The following ANKRD27 variants were observed in gnomAD, a reference collection of about 807,000 sequenced individuals.
ANKRD27 encodes ankyrin repeat domain 27, also known as ankyrin repeat domain-containing protein 27.
In ANKRD27, 112 loss-of-function variants were observed where a neutral mutation model predicts 129.7. The ratio of observed to expected loss-of-function variants is 0.86; its 90% CI spans 0.74 to 1.01. The LOEUF (loss-of-function observed/expected upper bound fraction) is 1.01, where lower values mean the gene tolerates loss of function less well. ANKRD27 is among the 50% of genes least tolerant of loss of function. The pLI is 0.00. For synonymous variants in ANKRD27, 516 were observed against 511.2 expected (o/e 1.01, Z -0.13); for missense variants, 1,258 against 1,300.5 (o/e 0.97, Z 0.50).
At chr19:32,628,698 G>C (rs1966935287) in intron 14 of ANKRD27, 24 bp downstream of exon 14, 1 of 1,613,084 alleles carries the variant, frequency 6.2e-7, no homozygotes, top group African/African-American at 1.3e-5. Context: ...CTGGCACTCT[G>C]AGCCTCCACC....
chr19:32,607,818 A>C lies in ANKRD27; in HGVS notation c.2190T>G (p.Val730=). ...CAPAQKRLAK[V]PASGLGVNVT... is the part of the protein sequence containing the mutation. ...CGTTCACACCAAGCCCACTGGCAGG[A>C]ACCTTCGCCAGCCTCTGGGAAGCGC... Residue 730 remains valine (V), a synonymous_variant, in exon 23 of 29, where the codon GTT becomes GTG. Transcript: ENST00000306065. 6.2e-7 allele frequency: 1 copy of C among 1,600,034 alleles called. No individual in the cohort carries two copies. Among genetic ancestry groups the C allele is most frequent in the Middle Eastern group, 1.7e-4 (1 of 6,046 alleles).
chr19:32,667,181 T>C (rs1301509141), intron 1 of ANKRD27, among the ~76,000 whole-genome samples: 2 of 152,232 alleles, frequency 1.3e-5, no homozygotes, highest in Non-Finnish European at 2.9e-5. Context: ...GGCGCAGCTC[T>C]GTGCAAGGGC....
chr19:32,654,327 C>T (rs1475493477), intron 2 of ANKRD27, among the ~76,000 whole-genome samples: 1 of 152,186 alleles, frequency 6.6e-6, no homozygotes, highest in Non-Finnish European at 1.5e-5. Context: ...AGTGAGACCC[C>T]ATCTCTACCA....
At chr19:32,635,701 GAGAT>G (rs1490759644) in intron 12 of ANKRD27, among the ~76,000 whole-genome samples, 1 of 152,018 alleles carries the variant, frequency 6.6e-6, no homozygotes, top group Non-Finnish European at 1.5e-5. Context: ...AGCCACATCC[GAGAT>G]GCGATGGATG....
At position 32,608,781 on chromosome 19, in the gene ANKRD27, G is replaced by A. The variant is rs369137309; in HGVS notation, c.2176-949C>T. On this transcript the variant is annotated intron_variant, in intron 22 of 28. Transcript: ENST00000306065. ...ATCCTGGCCAACATGGTGAAACCCCGTCTCTACCAAAAATACAAAAATTAC... is the reference window on the plus strand; with the variant it reads ...ATCCTGGCCAACATGGTGAAACCCCATCTCTACCAAAAATACAAAAATTAC... 4.3e-4 allele frequency among the ~76,000 whole-genome samples: 66 copies of A among 152,170 alleles called. 2 individuals carry two copies. Among genetic ancestry groups the A allele is most frequent in the South Asian group, 1.2e-3 (6 of 4,820 alleles).
chr19:32,639,179 T>C, intron 12 of ANKRD27, 177 bp downstream of exon 12: 1 of 672,610 alleles, frequency 1.5e-6, no homozygotes, highest in East Asian at 2.8e-5. Flanking sequence ...TACCACCAAT[T>C]GAGGGCTTGG....
intron 1 of ANKRD27, among the ~76,000 whole-genome samples, chr19:32,662,860 T>C (rs1967672685): frequency 6.6e-6 from 1 of 151,936 alleles, no homozygotes; most frequent in Non-Finnish European, 1.5e-5. Context: ...CTGGACAACA[T>C]GGTGAAACCC....
At chr19:32,673,573 C>T in intron 1 of ANKRD27, 1 of 456,418 alleles carries the variant, frequency 2.2e-6, no homozygotes, top group Non-Finnish European at 2.9e-6. Context: ...CAAAGCTTCC[C>T]CCGAAGGGAA....
At chr19:32,645,580 A>G (rs1395869667) in intron 4 of ANKRD27, among the ~76,000 whole-genome samples, 1 of 151,966 alleles carries the variant, frequency 6.6e-6, no homozygotes, top group East Asian at 1.9e-4. Flanking sequence ...CTGAGACTAC[A>G]GGCATGCACC....
chr19:32,601,973 T>C (rs754720514), intron 26 of ANKRD27, 42 bp downstream of exon 26: 3 of 1,284,786 alleles, frequency 2.3e-6, no homozygotes, highest in Non-Finnish European at 3.4e-6. Context: ...AATGTCTAAA[T>C]ATACCCAACT....
In ANKRD27 at chr19:32,670,218, T is replaced by C. The variant is rs529724757; in HGVS notation, c.-31+4853A>G. Among the ~76,000 whole-genome samples, 4 of 152,318 alleles carry C rather than the reference T, an allele frequency of 2.6e-5. No individual in the cohort carries two copies. In the East Asian group the frequency reaches 5.8e-4, roughly 22 times the overall value. On this transcript the variant is annotated intron_variant, in intron 1 of 28. Coordinates refer to ENST00000306065, the MANE Select transcript of ANKRD27 (RefSeq NM_032139.3). ...GCTGTGCGGACAGGGCCTGCTGTTATCCAGCCCCAAGTCATCTGCTTTATC... is the reference window on the plus strand; with the variant it reads ...GCTGTGCGGACAGGGCCTGCTGTTACCCAGCCCCAAGTCATCTGCTTTATC...
chr19:32,672,183 G>A (rs8113051), intron 1 of ANKRD27, among the ~76,000 whole-genome samples: 74 of 152,344 alleles, frequency 4.9e-4, no homozygotes, highest in Non-Finnish European at 9.1e-4. Flanking sequence ...GACCAGGAAC[G>A]CTTCCCAACA....
intron 10 of ANKRD27, among the ~76,000 whole-genome samples, chr19:32,641,678 T>C (rs963688477): frequency 3.3e-5 from 5 of 152,024 alleles, no homozygotes; most frequent in African/African-American, 4.8e-5. Context: ...TTTATTTCAT[T>C]CCATACACTC....
chr19:32,639,573 T>A, intron 11 of ANKRD27, 85 bp from the exon 12 acceptor site: 1 of 1,444,902 alleles, frequency 6.9e-7, no homozygotes, highest in South Asian at 1.2e-5. Context: ...GGGCAACTGA[T>A]CAAATATCTA....
At chr19:32,633,493 G>A (rs931912448) in intron 12 of ANKRD27, among the ~76,000 whole-genome samples, 7 of 151,456 alleles carry the variant, frequency 4.6e-5, no homozygotes, top group Admixed American at 2.6e-4. Context: ...ACCGTGCACC[G>A]CTAATTTTTT....
At chr19:32,598,568 T>C (rs1971605277) in intron 28 of ANKRD27, among the ~76,000 whole-genome samples, 190 bp from the exon 29 acceptor site, 1 of 152,188 alleles carries the variant, frequency 6.6e-6, no homozygotes, top group Admixed American at 6.5e-5. Context: ...AGAGTAAATG[T>C]TTCACTTGTT....
At chr19:32,640,067 T>C (rs1967166481) in intron 11 of ANKRD27, among the ~76,000 whole-genome samples, 1 of 152,128 alleles carries the variant, frequency 6.6e-6, no homozygotes, top group Non-Finnish European at 1.5e-5. Flanking sequence ...GTTCACGCCA[T>C]TCTCCTGCCT....
chr19:32,607,820 C>T lies in ANKRD27; in HGVS notation c.2188G>A (p.Val730Ile). ...TTCACACCAAGCCCACTGGCAGGAA[C>T]CTTCGCCAGCCTCTGGGAAGCGCAG... ...CAPAQKRLAK[V>I]PASGLGVNVT... is the part of the protein sequence containing the mutation. Residue 730 changes from valine to isoleucine, a missense_variant, in exon 23 of 29, where the codon GTT (valine) becomes ATT (isoleucine). Val to Ile is a conservative substitution (Grantham distance 29). Transcript: ENST00000306065. 6.3e-7 allele frequency: 1 copy of T among 1,597,236 alleles called. No homozygotes were observed. Among genetic ancestry groups the T allele is most frequent in the South Asian group, 1.1e-5 (1 of 89,402 alleles).
chr19:32,642,789 G>A (rs1050605140), intron 9 of ANKRD27, among the ~76,000 whole-genome samples: 16 of 152,098 alleles, frequency 1.1e-4, no homozygotes, highest in African/African-American at 3.6e-4. Flanking sequence ...GTATCTCTAT[G>A]GCAAGGTTCC....
Sources: gnomAD v4.1 joint callset for allele counts (sites outside exome capture counted in the v4.1 genomes callset) on GRCh38, gnomAD v4.1.1 for gene constraint, MANE v1.5 for transcripts, NCBI Gene and HGNC (gene_info 2026-07-23, HGNC 2026-07-21) for gene names.